Variants in SPIDR observed in about 807,000 individuals in gnomAD.
SPIDR encodes the protein DNA repair-scaffolding protein.
Under a neutral mutation model 104.6 loss-of-function variants are expected in SPIDR, and 93 were observed. The ratio of observed to expected loss-of-function variants is 0.89; its 90% CI spans 0.75 to 1.06. SPIDR has a LOEUF of 1.06. Ranked by LOEUF, SPIDR falls within the 50% of genes least tolerant of loss-of-function variation. The pLI, the probability that SPIDR is intolerant of heterozygous loss-of-function variation, is 0.00. For missense variants in SPIDR, 1,154 were observed against 1,111.2 expected (o/e 1.04, Z -0.55); for synonymous variants, 431 against 416.9 (o/e 1.03, Z -0.41).
At chr8:47,730,683 A>ACGGAT (rs1444524068) in intron 19 of SPIDR, among the ~76,000 whole-genome samples, 1 of 152,072 alleles carries the variant, frequency 6.6e-6, no homozygotes, top group African/African-American at 2.4e-5. Context: ...CTGGGCTCAA[A>ACGGAT]CGATCCCCCT....
intron 8 of SPIDR, among the ~76,000 whole-genome samples, chr8:47,535,800 G>A (rs892441730): frequency 5.3e-5 from 8 of 151,112 alleles, no homozygotes; most frequent in African/African-American, 1.9e-4. Flanking sequence ...GAAACTAGAT[G>A]TTTTCCCACT....
At chr8:47,694,560 A>G (rs1367928940) in intron 11 of SPIDR, among the ~76,000 whole-genome samples, 1 of 152,200 alleles carries the variant, frequency 6.6e-6, no homozygotes, top group African/African-American at 2.4e-5. Flanking sequence ...CTTGAGGCCA[A>G]ACATTGGAGA....
At position 47,735,841 on chromosome 8, in the gene SPIDR, A is replaced by T; in HGVS notation, c.*391A>T. 5.5e-6 allele frequency: 2 copies of T among 363,782 alleles called. No homozygotes were observed. The highest frequency in any genetic ancestry group is 5.3e-5 in the South Asian group (2 of 37,970). 22.5% of individuals were successfully genotyped at this position (363,782 alleles called of 1,614,324 possible). On this transcript the variant is annotated 3_prime_UTR_variant, in exon 20 of 20. Transcript: ENST00000297423. ...ACAGTATTTAACATTCCCCCAAAGAATACCCTGCAAAGTGTAAACCTTTGT... is the reference window on the plus strand; with the variant it reads ...ACAGTATTTAACATTCCCCCAAAGATTACCCTGCAAAGTGTAAACCTTTGT...
intron 8 of SPIDR, among the ~76,000 whole-genome samples, chr8:47,453,161 T>G (rs1554707349): frequency 1.3e-5 from 2 of 152,182 alleles, no homozygotes; most frequent in African/African-American, 4.8e-5. Context: ...AGAAGGGATG[T>G]GAAGGACCTC....
At chr8:47,398,105 A>AAGAATGTAATTTGTAATAGTAGT (rs1554659789) in intron 6 of SPIDR, among the ~76,000 whole-genome samples, 4 of 152,212 alleles carry the variant, frequency 2.6e-5, no homozygotes, top group South Asian at 2.1e-4. Flanking sequence ...GCCTCAAAAA[A>AAGAATGTAATTTGTAATAGTAGT]AGAATGTAAT....
chr8:47,485,203 C>A (rs965545155), intron 8 of SPIDR, among the ~76,000 whole-genome samples: 3 of 152,216 alleles, frequency 2.0e-5, no homozygotes, highest in African/African-American at 7.2e-5. Flanking sequence ...AGATTATATC[C>A]CGTGCAAGGC....
chr8:47,493,038 A>AGTGTGTGTGTGTGTGT (rs1363442147), intron 8 of SPIDR, among the ~76,000 whole-genome samples: 5 of 64,810 alleles, frequency 7.7e-5, no homozygotes, highest in Admixed American at 3.3e-4. Flanking sequence ...AGAGAGAGAG[A>AGTGTGTGTGTGTGTGT]GTGAGTGTGT....
intron 10 of SPIDR, among the ~76,000 whole-genome samples, chr8:47,661,639 G>A (rs1249673713): frequency 6.6e-6 from 1 of 152,230 alleles, no homozygotes; most frequent in African/African-American, 2.4e-5. Flanking sequence ...GCTGGTGTCT[G>A]CTGGTTGTCT....
At chr8:47,289,992 A>G (rs1246981041) in intron 3 of SPIDR, among the ~76,000 whole-genome samples, 1 of 152,186 alleles carries the variant, frequency 6.6e-6, no homozygotes, top group Non-Finnish European at 1.5e-5. Context: ...TCTGAGTGAA[A>G]AAAGCCAATT....
intron 2 of SPIDR, 151 bp from the exon 3 acceptor site, chr8:47,283,877 C>A: frequency 1.8e-6 from 1 of 568,422 alleles, no homozygotes; most frequent in Non-Finnish European, 3.1e-6. Context: ...ATAAGGAGTA[C>A]ATGCTTTGGG....
chr8:47,352,357 T>C (rs1554623052), intron 5 of SPIDR, among the ~76,000 whole-genome samples: 1 of 152,122 alleles, frequency 6.6e-6, no homozygotes, highest in Non-Finnish European at 1.5e-5. Context: ...CTGTAAAATA[T>C]AAACATTACA....
intron 8 of SPIDR, among the ~76,000 whole-genome samples, chr8:47,489,868 C>G (rs1412582771): frequency 6.6e-5 from 10 of 152,050 alleles, no homozygotes; most frequent in Non-Finnish European, 1.2e-4. Context: ...GGATTAAAGA[C>G]TTAAATGTTA....
At chr8:47,612,868 A>G (rs888171551) in intron 10 of SPIDR, among the ~76,000 whole-genome samples, 2 of 152,344 alleles carry the variant, frequency 1.3e-5, no homozygotes, top group African/African-American at 2.4e-5. Context: ...GGAAGCTTCC[A>G]TAAGAAGAGA....
At chr8:47,673,220 A>G (rs997396145) in intron 10 of SPIDR, among the ~76,000 whole-genome samples, 1 of 152,228 alleles carries the variant, frequency 6.6e-6, no homozygotes, top group Non-Finnish European at 1.5e-5. Flanking sequence ...GCTGGGGGGA[A>G]TCCCATCATG....
At chr8:47,716,372 C>G (rs1431751769) in intron 16 of SPIDR, among the ~76,000 whole-genome samples, 1 of 152,154 alleles carries the variant, frequency 6.6e-6, no homozygotes, top group Non-Finnish European at 1.5e-5. Flanking sequence ...AAACAGAAAA[C>G]TCTTGTGATT....
intron 10 of SPIDR, among the ~76,000 whole-genome samples, chr8:47,659,141 T>A (rs1350624487): frequency 1.3e-5 from 2 of 151,866 alleles, no homozygotes; most frequent in African/African-American, 4.8e-5. Flanking sequence ...GCGCCTGTGG[T>A]CCCAGCTACT....
In SPIDR at chr8:47,714,998, G is replaced by T. The variant is rs923280579; in HGVS notation, c.2341+1357G>T. On this transcript the variant is annotated intron_variant, in intron 16 of 19. Transcript: ENST00000297423. ...AATTCACTCCTTTAAAGTGTTTTTA[G>T]TATTCACAGAATTGTGCAAAGATCA... Among the ~76,000 whole-genome samples the T allele has an allele frequency of 4.6e-5, 7 of 152,104 alleles. No individual in the cohort carries two copies. In the South Asian group the frequency reaches 1.2e-3, roughly 27 times the overall value.
chr8:47,592,460 C>T, intron 8 of SPIDR: 2 of 1,438,190 alleles, frequency 1.4e-6, no homozygotes, highest in South Asian at 1.1e-5. Context: ...AAAGTCCCTC[C>T]CTCAAAGGGG....
At chr8:47,424,030 G>T (rs1554682906) in intron 7 of SPIDR, among the ~76,000 whole-genome samples, 1 of 152,144 alleles carries the variant, frequency 6.6e-6, no homozygotes, top group African/African-American at 2.4e-5. Flanking sequence ...TAGAGATGAG[G>T]ACAATGCAGA....
Sources: allele counts gnomAD v4.1 joint callset (sites outside exome capture counted in the v4.1 genomes callset), GRCh38; gene constraint gnomAD v4.1.1; transcripts MANE v1.5; gene names NCBI Gene and HGNC (gene_info 2026-07-23, HGNC 2026-07-21).